Variants in BET1 observed in about 807,000 individuals in gnomAD.
BET1 encodes the protein Bet1 golgi vesicular membrane trafficking protein.
A neutral mutation model predicts 13.9 loss-of-function variants in BET1; 9 were observed. The ratio of observed to expected loss-of-function variants is 0.65; its 90% CI spans 0.39 to 1.13. The LOEUF (loss-of-function observed/expected upper bound fraction) is 1.13. Ranked by LOEUF, BET1 falls within the 50% of genes most tolerant of loss-of-function variation. The pLI is 0.01. For missense variants in BET1, 127 were observed against 133.6 expected (o/e 0.95, Z 0.24); for synonymous variants, 39 against 47.3 (o/e 0.82, Z 0.72).
exon 7 of BET1, chr7:93,964,746 T>C (rs910567166): frequency 2.0e-5 from 3 of 151,890 alleles, no homozygotes; most frequent in African/African-American, 7.3e-5. Flanking sequence ...ACTAGACAAA[T>C]GCAAAGCAAA....
chr7:93,969,587 C>T (rs998901466), intron 6 of BET1: 4 of 151,152 alleles, frequency 2.6e-5, no homozygotes, highest in African/African-American at 9.8e-5. Context: ...TCATTTATGA[C>T]CTGCTTTTTT....
rs1196957229 is a variant in BET1, at chr7:93,994,171, T to A, written c.*59A>T. 19 of 1,535,596 alleles carry A rather than the reference T, an allele frequency of 1.2e-5. No individual in the cohort carries two copies. Among genetic ancestry groups the A allele is most frequent in the Admixed American group, 2.1e-5 (1 of 48,180 alleles). ...AGGAATGTTTTGATGCTGATTTTTA[T>A]CAAAGTGGTACTGCAAGCCATTAAG... On this transcript the variant is annotated 3_prime_UTR_variant, in exon 4 of 4. Transcript: ENST00000222547.
chr7:93,984,422 A>C (rs1355638928), intron 4 of BET1, among the ~76,000 whole-genome samples: 2 of 152,190 alleles, frequency 1.3e-5, no homozygotes, highest in East Asian at 3.8e-4. Flanking sequence ...TTGGTGGACA[A>C]CTACGTCAAA....
intron 6 of BET1, among the ~76,000 whole-genome samples, chr7:93,970,109 A>G (rs561474370): frequency 6.6e-6 from 1 of 151,966 alleles, no homozygotes; most frequent in South Asian, 2.1e-4. Context: ...ACATTAGAGT[A>G]TTTGCATTAA....
intron 1 of BET1, among the ~76,000 whole-genome samples, chr7:94,000,649 G>A (rs1795881652): frequency 6.6e-6 from 1 of 152,074 alleles, no homozygotes; most frequent in South Asian, 2.1e-4. Context: ...CCAGGAGAAG[G>A]TGGATGGTTG....
intron 3 of BET1, among the ~76,000 whole-genome samples, chr7:93,995,621 G>T (rs1795749745): frequency 6.6e-6 from 1 of 152,130 alleles, no homozygotes; most frequent in Non-Finnish European, 1.5e-5. Context: ...TTTTAAAGAG[G>T]TCCCTAGCTT....
At chr7:93,963,134 G>T (rs1253043016) in exon 7 of BET1, 3 of 152,012 alleles carry the variant, frequency 2.0e-5, no homozygotes, top group African/African-American at 7.2e-5. Flanking sequence ...ACAAGGACTG[G>T]GGTTAGTTAG....
chr7:94,002,190 G>C (rs1009618708), intron 1 of BET1, among the ~76,000 whole-genome samples: 3 of 152,074 alleles, frequency 2.0e-5, no homozygotes, highest in Admixed American at 6.5e-5. Flanking sequence ...TTAGATAAAC[G>C]CTACTTTTTT....
intron 4 of BET1, among the ~76,000 whole-genome samples, chr7:93,977,458 A>T (rs767543681): frequency 3.3e-5 from 5 of 152,172 alleles, no homozygotes; most frequent in Non-Finnish European, 7.4e-5. Context: ...GCTCTGTATA[A>T]GTGAAACTAA....
chr7:93,976,877 C>A (rs1441379150), intron 4 of BET1, among the ~76,000 whole-genome samples: 1 of 151,960 alleles, frequency 6.6e-6, no homozygotes, highest in Non-Finnish European at 1.5e-5. Flanking sequence ...CATTCTTATG[C>A]CTTTGCGTCC....
chr7:93,995,123 G>A (rs1433810214), intron 3 of BET1, among the ~76,000 whole-genome samples: 2 of 152,218 alleles, frequency 1.3e-5, no homozygotes, highest in African/African-American at 2.4e-5. Context: ...TGGGAGTATA[G>A]GCGTGAGCTA....
intron 6 of BET1, chr7:93,972,250 A>C (rs1795269182): frequency 6.6e-6 from 1 of 151,882 alleles, no homozygotes; most frequent in Non-Finnish European, 1.5e-5. Context: ...AACATTGCCT[A>C]AGTAGTCAGG....
chr7:93,974,251 A>G (rs1795303072), intron 5 of BET1, among the ~76,000 whole-genome samples: 1 of 152,068 alleles, frequency 6.6e-6, no homozygotes, highest in Non-Finnish European at 1.5e-5. Flanking sequence ...AATAACCAGT[A>G]TAATATATGT....
chr7:93,999,506 CAGTTCATTTTGAT>C (rs1314243350), intron 1 of BET1, among the ~76,000 whole-genome samples: 2 of 152,226 alleles, frequency 1.3e-5, no homozygotes, highest in Non-Finnish European at 2.9e-5. Flanking sequence ...ATATTCAGTT[CAGTTCATTTTGAT>C]ACACATTTCT....
intron 3 of BET1, among the ~76,000 whole-genome samples, chr7:93,995,866 C>A (rs908244336): frequency 6.6e-6 from 1 of 152,146 alleles, no homozygotes; most frequent in Non-Finnish European, 1.5e-5. Flanking sequence ...CTTAGGAAAT[C>A]AAGCAAAAGA....
At chr7:93,964,262 A>G (rs1422872581) in exon 7 of BET1, 1 of 151,784 alleles carries the variant, frequency 6.6e-6, no homozygotes, top group Non-Finnish European at 1.5e-5. Context: ...TTCAACCCAT[A>G]CCTTCCTTCC....
intron 6 of BET1, among the ~76,000 whole-genome samples, chr7:93,971,613 A>AT (rs1795259858): frequency 6.6e-6 from 1 of 151,562 alleles, no homozygotes; most frequent in African/African-American, 2.4e-5. Context: ...CCTAGTAAAC[A>AT]TTTTTTGTCC....
chr7:94,000,299 G>A (rs890691893), intron 1 of BET1: 2 of 151,014 alleles, frequency 1.3e-5, no homozygotes, highest in Non-Finnish European at 2.9e-5. Flanking sequence ...TTTTTTAGCA[G>A]AGACAGGGTT....
exon 7 of BET1, chr7:93,963,880 A>G (rs949911433): frequency 2.6e-5 from 4 of 152,034 alleles, no homozygotes; most frequent in Admixed American, 2.6e-4. Context: ...CCTTCAACCA[A>G]CATAGTGAAA....
Sources: allele counts gnomAD v4.1 joint callset (sites outside exome capture counted in the v4.1 genomes callset), GRCh38; gene constraint gnomAD v4.1.1; transcripts MANE v1.5; gene names NCBI Gene and HGNC (gene_info 2026-07-23, HGNC 2026-07-21).